CDH7: variants seen among roughly 807,000 people sequenced by gnomAD.
The protein encoded by CDH7 is cadherin 7.
Under a neutral mutation model 71.8 loss-of-function variants are expected in CDH7, and 25 were observed. That is an observed-to-expected ratio of 0.35 (90% CI 0.25 to 0.49). CDH7 has a LOEUF of 0.49. Among genes scored for constraint, CDH7 ranks in the 20% least tolerant of loss-of-function variants. The pLI, the probability that CDH7 is intolerant of heterozygous loss-of-function variation, is 0.99. For synonymous variants in CDH7, 381 were observed against 363.8 expected, an observed-to-expected ratio of 1.05 and a Z score of -0.54; for missense variants, 862 against 974.6, an observed-to-expected ratio of 0.88 and a Z score of 1.54.
At chr18:65,772,119 AT>A (rs1287000689) in intron 2 of CDH7, among the ~76,000 whole-genome samples, 11 of 152,174 alleles carry the variant, frequency 7.2e-5, no homozygotes, top group Non-Finnish European at 1.6e-4. Context: ...AAAACACACA[AT>A]CAAAATTTGG....
intron 7 of CDH7, 109 bp downstream of exon 7, chr18:65,844,174 G>GATTTACATATAT: frequency 4.5e-6 from 1 of 222,152 alleles, no homozygotes; most frequent in South Asian, 7.5e-5. Context: ...ATAAAAACCA[G>GATTTACATATAT]ATATATATAT....
rs1439238203 is a variant in CDH7 at position 65,881,741 on chromosome 18, A to G, written c.*847A>G. The G allele has an allele frequency of 6.6e-6, 1 of 152,128 alleles. No individual in the cohort carries two copies. The highest frequency in any genetic ancestry group is 1.5e-5 in the Non-Finnish European group (1 of 68,012). The allele number at this position is 152,128 out of a possible 1,614,324, so 9.4% of individuals were successfully genotyped here. A position where few individuals can be genotyped will look rare whatever the true frequency, so the allele number is the denominator to read the frequency against. The stretch of plus-strand genomic sequence containing the variant: ...TCCAATCTCCACTAAATTCAGGTCC[A>G]TCATACTGCCTCATAGTATTAAACT... On this transcript the variant is annotated 3_prime_UTR_variant, in exon 12 of 12. Coordinates refer to ENST00000397968, the MANE Select transcript of CDH7 (RefSeq NM_004361.5).
chr18:65,753,415 A>G lies in CDH7; in HGVS notation c.-197+2265A>G, dbSNP rs952326696. Among the ~76,000 whole-genome samples the G allele has an allele frequency of 1.5e-4, 23 of 152,198 alleles. 1 individual carries two copies. The highest frequency in any genetic ancestry group is 5.9e-5 in the Non-Finnish European group (4 of 68,040). Reference sequence around the variant, plus strand: ...CTGGATTTCATAAGGTTTTACATTTATTGCATTAATAGCTTGTATCACATC... The same window carrying G: ...CTGGATTTCATAAGGTTTTACATTTGTTGCATTAATAGCTTGTATCACATC... On this transcript the variant is annotated intron_variant, in intron 1 of 11. Transcript: ENST00000397968.
At chr18:65,795,229 G>A (rs1222367767) in intron 2 of CDH7, among the ~76,000 whole-genome samples, 2 of 152,080 alleles carry the variant, frequency 1.3e-5, no homozygotes, top group Admixed American at 6.6e-5. Flanking sequence ...TTTGACACAT[G>A]TCCATTCCGT....
intron 4 of CDH7, among the ~76,000 whole-genome samples, chr18:65,817,985 C>A (rs1272561458): frequency 1.3e-5 from 2 of 152,130 alleles, no homozygotes; most frequent in East Asian, 1.9e-4. Flanking sequence ...TTTCCTCATG[C>A]ATCAGTGTCT....
intron 11 of CDH7, among the ~76,000 whole-genome samples, chr18:65,877,210 G>A (rs1914097566): frequency 6.6e-6 from 1 of 151,884 alleles, no homozygotes; most frequent in South Asian, 2.1e-4. Flanking sequence ...TCTTTGCCTT[G>A]GACAAGATTG....
chr18:65,782,832 TC>T (rs1295628127), intron 2 of CDH7, among the ~76,000 whole-genome samples: 1 of 152,194 alleles, frequency 6.6e-6, no homozygotes, highest in East Asian at 1.9e-4. Context: ...ACATGTTTCT[TC>T]CCTAAGGCAC....
intron 2 of CDH7, among the ~76,000 whole-genome samples, chr18:65,769,155 G>A (rs1370344408): frequency 6.6e-6 from 1 of 152,052 alleles, no homozygotes; most frequent in Non-Finnish European, 1.5e-5. Context: ...AAGAACAAAC[G>A]CTTGCATGAG....
chr18:65,772,490 A>G (rs1440769808), intron 2 of CDH7, among the ~76,000 whole-genome samples: 1 of 152,170 alleles, frequency 6.6e-6, no homozygotes, highest in Non-Finnish European at 1.5e-5. Flanking sequence ...GGAGAAGCAG[A>G]TACTGGGGAG....
chr18:65,838,122 A>G (rs529119426), intron 6 of CDH7, among the ~76,000 whole-genome samples: 1 of 151,906 alleles, frequency 6.6e-6, no homozygotes, highest in South Asian at 2.1e-4. Context: ...ATGGGATTTC[A>G]CCATGTTGAC....
chr18:65,822,333 AT>A, intron 5 of CDH7, 85 bp downstream of exon 5: 3 of 1,043,670 alleles, frequency 2.9e-6, no homozygotes, highest in Non-Finnish European at 4.2e-6. Flanking sequence ...TTTTTTTCAA[AT>A]ACTTCTAAAG....
intron 4 of CDH7, among the ~76,000 whole-genome samples, chr18:65,816,312 T>C (rs545583406): frequency 5.3e-5 from 8 of 152,256 alleles, no homozygotes; most frequent in African/African-American, 1.9e-4. Flanking sequence ...TAGAGTACAT[T>C]TCTTGTGAGA....
upstream of CDH7, chr18:65,750,430 C>G (rs1458230599): frequency 6.6e-6 from 1 of 152,194 alleles, no homozygotes; most frequent in Non-Finnish European, 1.5e-5. Flanking sequence ...TCTCCTCCAG[C>G]TCCGTGCTTT....
At chr18:65,776,703 C>T (rs1909958448) in intron 2 of CDH7, among the ~76,000 whole-genome samples, 1 of 152,090 alleles carries the variant, frequency 6.6e-6, no homozygotes, top group Admixed American at 6.6e-5. Context: ...AGTTTGGCTC[C>T]AACCTATCAT....
At chr18:65,762,332 T>C (rs1916214951) in intron 1 of CDH7, among the ~76,000 whole-genome samples, 1 of 152,172 alleles carries the variant, frequency 6.6e-6, no homozygotes, top group Non-Finnish European at 1.5e-5. Flanking sequence ...ATTTTTAAAA[T>C]GATGCCGCTA....
intron 2 of CDH7, among the ~76,000 whole-genome samples, chr18:65,794,560 G>T (rs1047286053): frequency 6.6e-6 from 1 of 151,786 alleles, no homozygotes; most frequent in African/African-American, 2.4e-5. Flanking sequence ...ACAACCAGTT[G>T]GGGGTCGGGA....
At chr18:65,798,656 G>A (rs559842889) in intron 2 of CDH7, among the ~76,000 whole-genome samples, 16 of 152,312 alleles carry the variant, frequency 1.1e-4, no homozygotes, top group African/African-American at 3.8e-4. Context: ...TGACCTTGTG[G>A]GGAGGTCAGG....
At chr18:65,851,093 A>T (rs1371635670) in intron 7 of CDH7, among the ~76,000 whole-genome samples, 1 of 100,220 alleles carries the variant, frequency 1.0e-5, no homozygotes, top group African/African-American at 2.5e-5. Context: ...CATGAGCCAC[A>T]GTGCCCGGCC....
chr18:65,798,074 G>A (rs144406712), intron 2 of CDH7, among the ~76,000 whole-genome samples: 22 of 152,268 alleles, frequency 1.4e-4, no homozygotes, highest in African/African-American at 4.8e-4. Flanking sequence ...AAGGAGGAGG[G>A]CATGCAAACT....
Sources: allele counts gnomAD v4.1 joint callset (sites outside exome capture counted in the v4.1 genomes callset), GRCh38; gene constraint gnomAD v4.1.1; transcripts MANE v1.5; gene names NCBI Gene and HGNC (gene_info 2026-07-23, HGNC 2026-07-21).